The following HASPIN variants were observed in gnomAD, a reference collection of about 807,000 sequenced individuals.
The protein encoded by HASPIN is serine/threonine-protein kinase haspin.
In HASPIN, 24 loss-of-function variants were observed where a neutral mutation model predicts 28.8. That is an observed-to-expected ratio of 0.83 (90% CI 0.60 to 1.17). HASPIN has a LOEUF of 1.17. HASPIN is among the 50% of genes most tolerant of loss of function. The pLI is 0.00. For missense variants in HASPIN, 1,016 were observed against 1,018.5 expected, an observed-to-expected ratio of 1.00 and a Z score of 0.03; for synonymous variants, 440 against 413.1, an observed-to-expected ratio of 1.07 and a Z score of -0.79.
rs778469375 is a variant in HASPIN, at chr17:3,724,837, AAG to A, written c.909_910del (p.Gly304AlafsTer31). The A allele has an allele frequency of 5.0e-6, 8 of 1,614,128 alleles. No homozygotes were observed. The highest frequency in any genetic ancestry group is 6.8e-6 in the Non-Finnish European group (8 of 1,180,032). On this transcript the variant is annotated frameshift_variant, in exon 1 of 1. Coordinates refer to ENST00000325418, the MANE Select transcript of HASPIN (RefSeq NM_031965.2). LOFTEE classifies it high-confidence loss of function. ...AGGGCCACAGGCCAGGACTCTTGTCAAGAGAGAGGGCTTCAAGAGGCCGTCCG... is the reference window on the plus strand; with the variant it reads ...AGGGCCACAGGCCAGGACTCTTGTCAAGAGAGGGCTTCAAGAGGCCGTCCG...
Position 3,725,361 on chromosome 17 carries a change from A to G in HASPIN, c.1426A>G (p.Ser476Gly). Reference sequence around the variant, plus strand: ...CAGTCAGAAGGGTCCTGTCCCCTTTAGCCATTGCCTTCCCACAGAAAAACT... The same window carrying G: ...CAGTCAGAAGGGTCCTGTCCCCTTTGGCCATTGCCTTCCCACAGAAAAACT... ...ECSQKGPVPF[S>G]HCLPTEKLQR... Residue 476 changes from serine (S) to glycine (G), a missense_variant, in exon 1 of 1, where the codon AGC (serine) becomes GGC (glycine). By Grantham distance (56) the Ser-to-Gly change is moderately conservative. Around this residue, in one of 3 missense-constraint regions of HASPIN, gnomAD observed 881 missense variants for 845.5 expected, o/e 1.04. Transcript: ENST00000325418. 6.2e-7 allele frequency: 1 copy of G among 1,613,242 alleles called. No individual in the cohort carries two copies. Among genetic ancestry groups the G allele is most frequent in the South Asian group, 1.1e-5 (1 of 91,088 alleles).
chr17:3,726,344 C>T lies in HASPIN; in HGVS notation c.*12C>T, dbSNP rs756883907. On this transcript the variant is annotated 3_prime_UTR_variant, in exon 1 of 1. Coordinates refer to ENST00000325418, the MANE Select transcript of HASPIN (RefSeq NM_031965.2). The stretch of plus-strand genomic sequence containing the variant: ...GTCTGTTTAAGTAAGCTAAATGTAT[C>T]TTACTGCCCCGAAATGAGAGGAGAC... 3.2e-6 allele frequency: 5 copies of T among 1,561,208 alleles called. No individual in the cohort carries two copies. Among genetic ancestry groups the T allele is most frequent in the Non-Finnish European group, 3.5e-6 (4 of 1,140,606 alleles).
chr17:3,726,399 C>T lies in HASPIN; in HGVS notation c.*67C>T. On this transcript the variant is annotated 3_prime_UTR_variant, in exon 1 of 1. Coordinates refer to ENST00000325418, the MANE Select transcript of HASPIN (RefSeq NM_031965.2). ...CTTGAAGCCTCTGGTGCTGTTTCAA[C>T]CTCCATCCCCACAGGAGGGTGGAAC... The T allele has an allele frequency of 1.8e-6, 2 of 1,107,222 alleles. No individual in the cohort carries two copies. The highest frequency in any genetic ancestry group is 3.0e-5 in the South Asian group (2 of 66,000). The allele number at this position is 1,107,222 out of a possible 1,614,324, so 68.6% of individuals were successfully genotyped here. A position where few individuals can be genotyped will look rare whatever the true frequency, so the allele number is the denominator to read the frequency against.
Position 3,725,455 on chromosome 17 carries a change from C to A in HASPIN, c.1520C>A (p.Pro507His), listed in dbSNP as rs570363584. 1 of 1,614,162 alleles carries A rather than the reference C, an allele frequency of 6.2e-7. No individual in the cohort carries two copies. The highest frequency in any genetic ancestry group is 2.2e-5 in the East Asian group (1 of 44,892). Residue 507 changes from proline (P) to histidine (H), a missense_variant, in exon 1 of 1, where the codon CCC becomes CAC. By Grantham distance (77) the Pro-to-His change is moderately conservative. Transcript: ENST00000325418. ...EVFQTIADHT[P>H]VAIKIIAIEG... ...TTTCAAACAATTGCTGATCACACAC[C>A]CGTAGCCATAAAAATCATTGCTATT...
chr17:3,726,465 A>G lies in HASPIN; in HGVS notation c.*133A>G, dbSNP rs774760586. On this transcript the variant is annotated 3_prime_UTR_variant, in exon 1 of 1. Coordinates refer to ENST00000325418, the MANE Select transcript of HASPIN (RefSeq NM_031965.2). Reference sequence around the variant, plus strand: ...TTTCCAGTCAGCTTTTCAAACAAGAATTTTGTTTCCAAATGGAAACTGAAA... The same window carrying G: ...TTTCCAGTCAGCTTTTCAAACAAGAGTTTTGTTTCCAAATGGAAACTGAAA... 10 of 647,898 alleles carry G rather than the reference A, an allele frequency of 1.5e-5. No homozygotes were observed. Among genetic ancestry groups the G allele is most frequent in the Non-Finnish European group, 2.7e-5 (10 of 365,934 alleles). The allele number at this position is 647,898 out of a possible 1,614,324, so 40.1% of individuals were successfully genotyped here.
rs2051179656 is a variant in HASPIN, at chr17:3,725,190, G to C, written c.1255G>C (p.Glu419Gln). Residue 419 changes from glutamate (E) to glutamine (Q), a missense_variant, in exon 1 of 1, where the codon GAA (glutamate) becomes CAA (glutamine). By Grantham distance (29) the Glu-to-Gln change is conservative. Coordinates refer to ENST00000325418, the MANE Select transcript of HASPIN (RefSeq NM_031965.2). ...ATSLSGSLLS[E>Q]CSNRPVMNRT... is the part of the protein sequence containing the mutation. ...TTCTCTCTCTGGATCCCTCCTATCAGAATGTTCAAACCGGCCTGTCATGAA... is the reference window on the plus strand; with the variant it reads ...TTCTCTCTCTGGATCCCTCCTATCACAATGTTCAAACCGGCCTGTCATGAA... The C allele has an allele frequency of 4.3e-6, 7 of 1,614,200 alleles. No individual in the cohort carries two copies. The highest frequency in any genetic ancestry group is 4.2e-6 in the Non-Finnish European group (5 of 1,180,030).
In HASPIN at chr17:3,724,873, A is replaced by C; in HGVS notation, c.938A>C (p.His313Pro). The change falls in exon 1 of 1, where the codon CAT becomes CCT. Residue 313 changes from histidine (H) to proline (P), a missense_variant. Around this residue, in one of 3 missense-constraint regions of HASPIN, gnomAD observed 881 missense variants for 845.5 expected, o/e 1.04. Transcript: ENST00000325418. ...CTTCAAGAGGCCGTCCGGAGAGAGCATCAGGAGGCCAGTGTTCCCAAGGGC... is the reference window on the plus strand; with the variant it reads ...CTTCAAGAGGCCGTCCGGAGAGAGCCTCAGGAGGCCAGTGTTCCCAAGGGC... ...RGLQEAVRRE[H>P]QEASVPKGRI... 6.2e-7 allele frequency: 1 copy of C among 1,613,984 alleles called. No homozygotes were observed. The highest frequency in any genetic ancestry group is 1.1e-5 in the South Asian group (1 of 91,088).
Position 3,726,353 on chromosome 17 carries a change from C to G in HASPIN, c.*21C>G. 6.6e-7 allele frequency: 1 copy of G among 1,525,174 alleles called. No homozygotes were observed. Among genetic ancestry groups the G allele is most frequent in the African/African-American group, 1.4e-5 (1 of 72,908 alleles). 94.5% of individuals were successfully genotyped at this position (1,525,174 alleles called of 1,614,324 possible). A position where few individuals can be genotyped will look rare whatever the true frequency, so the allele number is the denominator to read the frequency against. On this transcript the variant is annotated 3_prime_UTR_variant, in exon 1 of 1. Coordinates refer to ENST00000325418, the MANE Select transcript of HASPIN (RefSeq NM_031965.2). ...AGTAAGCTAAATGTATCTTACTGCC[C>G]CGAAATGAGAGGAGACTGGTCTTGA...
chr17:3,725,088 A>G lies in HASPIN; in HGVS notation c.1153A>G (p.Arg385Gly). Reference sequence around the variant, plus strand: ...GAATGTCTGCTTTTGGACCAAAACCAGGGCTTCCTTCAGTTTCCACAAGAA... The same window carrying G: ...GAATGTCTGCTTTTGGACCAAAACCGGGGCTTCCTTCAGTTTCCACAAGAA... ...LQNVCFWTKT[R>G]ASFSFHKKKI... The change falls in exon 1 of 1, where the codon AGG becomes GGG. Residue 385 changes from arginine (R) to glycine (G), a missense_variant. By Grantham distance (125) the Arg-to-Gly change is moderately radical. Coordinates refer to ENST00000325418, the MANE Select transcript of HASPIN (RefSeq NM_031965.2). 1.9e-6 allele frequency: 3 copies of G among 1,614,210 alleles called. No individual in the cohort carries two copies. The highest frequency in any genetic ancestry group is 2.5e-6 in the Non-Finnish European group (3 of 1,180,016).
In HASPIN at chr17:3,724,395, G is replaced by A. The variant is rs778123270; in HGVS notation, c.460G>A (p.Gly154Ser). 7 of 1,610,520 alleles carry A rather than the reference G, an allele frequency of 4.3e-6. No individual in the cohort carries two copies. The highest frequency in any genetic ancestry group is 5.9e-6 in the Non-Finnish European group (7 of 1,179,284). The change falls in exon 1 of 1, where the codon GGC becomes AGC. Residue 154 changes from glycine to serine, a missense_variant. Transcript: ENST00000325418. ...CCTCAGCCCGGACCTCAGCGTGTGCGGCCAGCCCAGGGACGGCGACGAGCT... is the reference window on the plus strand; with the variant it reads ...CCTCAGCCCGGACCTCAGCGTGTGCAGCCAGCCCAGGGACGGCGACGAGCT... ...GRLSPDLSVCGQPRDGDELGI... is the reference protein window; with the variant it reads ...GRLSPDLSVCSQPRDGDELGI...
At position 3,724,925 on chromosome 17, in the gene HASPIN, G is replaced by A. The variant is rs1169750291; in HGVS notation, c.990G>A (p.Arg330=). The change falls in exon 1 of 1, where the codon AGG becomes AGA. Residue 330 remains arginine, a synonymous_variant. Transcript: ENST00000325418. ...KGRIVPRGID[R]LERTRSSRKS... ...GCATTGTGCCAAGGGGAATAGACAG[G>A]CTGGAGAGAACTAGATCAAGCCGGA... is the stretch of plus-strand genomic sequence containing the variant. 6.2e-7 allele frequency: 1 copy of A among 1,613,708 alleles called. No individual in the cohort carries two copies. The highest frequency in any genetic ancestry group is 2.2e-5 in the East Asian group (1 of 44,876).
Position 3,725,237 on chromosome 17 carries a change from C to T in HASPIN, c.1302C>T (p.Ser434=). The T allele has an allele frequency of 6.2e-7, 1 of 1,614,228 alleles. No individual in the cohort carries two copies. Among genetic ancestry groups the T allele is most frequent in the Non-Finnish European group, 8.5e-7 (1 of 1,180,038 alleles). ...PVMNRTSGAP[S]SWHSSSMYLL... ...TGAACAGAACAAGTGGTGCTCCGTC[C>T]TCTTGGCACTCCTCCTCTATGTATT... The change falls in exon 1 of 1, where the codon TCC becomes TCT. Residue 434 remains serine (S), a synonymous_variant. Coordinates refer to ENST00000325418, the MANE Select transcript of HASPIN (RefSeq NM_031965.2).
In HASPIN at chr17:3,724,239, A is replaced by G. The variant is rs981484168; in HGVS notation, c.304A>G (p.Lys102Glu). Residue 102 changes from lysine (K) to glutamate (E), a missense_variant, in exon 1 of 1, where the codon AAG (lysine) becomes GAG (glutamate). This residue lies in a region of HASPIN where 881 missense variants were observed against 845.5 expected (regional missense o/e 1.04). Coordinates refer to ENST00000325418, the MANE Select transcript of HASPIN (RefSeq NM_031965.2). ...CCTGACCGTGACCCCAAAGCGCTGG[A>G]AGCTGCGAGCTCGCCCAAGCCTAAC... ...PSLTVTPKRW[K>E]LRARPSLTVT... is the part of the protein sequence containing the mutation. 2 of 1,593,414 alleles carry G rather than the reference A, an allele frequency of 1.3e-6. No individual in the cohort carries two copies. The highest frequency in any genetic ancestry group is 2.7e-5 in the African/African-American group (2 of 74,708).
In HASPIN at chr17:3,725,884, T is replaced by TA. The variant is rs1220412958; in HGVS notation, c.1950dup (p.His651ThrfsTer37). ...TCACTGCGCTTTGAGCACCGAGACT[T>TA]ACACTGGGGGAACGTGCTCTTAAAG... On this transcript the variant is annotated frameshift_variant, in exon 1 of 1. Transcript: ENST00000325418. LOFTEE classifies it high-confidence loss of function. 16 of 1,612,358 alleles carry TA rather than the reference T, an allele frequency of 9.9e-6. No homozygotes were observed. Among genetic ancestry groups the TA allele is most frequent in the Non-Finnish European group, 1.4e-5 (16 of 1,179,980 alleles).
rs2051137940 is a variant in HASPIN, at chr17:3,724,032, C to T, written c.97C>T (p.Gln33Ter). 6.3e-7 allele frequency: 1 copy of T among 1,591,334 alleles called. No individual in the cohort carries two copies. Among genetic ancestry groups the T allele is most frequent in the Non-Finnish European group, 8.5e-7 (1 of 1,174,946 alleles). Residue 33 changes from glutamine to a stop codon, truncating the protein, a stop_gained, in exon 1 of 1, where the codon CAG (glutamine) becomes TAG (stop). Coordinates refer to ENST00000325418, the MANE Select transcript of HASPIN (RefSeq NM_031965.2). LOFTEE classifies it low-confidence loss of function (END_TRUNC). ...RQRRPGREAA[Q>*]WFPPQDRRRF... Reference sequence around the variant, plus strand: ...GCGGCGGCCGGGCCGGGAAGCCGCGCAGTGGTTCCCGCCGCAGGACCGGAG... The same window carrying T: ...GCGGCGGCCGGGCCGGGAAGCCGCGTAGTGGTTCCCGCCGCAGGACCGGAG...
At position 3,725,769 on chromosome 17, in the gene HASPIN, T is replaced by G. The variant is rs932298721; in HGVS notation, c.1834T>G (p.Leu612Val). ...GGAATTTGAGTTTGGAGGGATTGAC[T>G]TAGAGCAAATGCGAACCAAGTTGTC... The part of the protein sequence containing the change: ...VLEFEFGGID[L>V]EQMRTKLSSL... The change falls in exon 1 of 1, where the codon TTA becomes GTA. Residue 612 changes from leucine (L) to valine (V), a missense_variant. Coordinates refer to ENST00000325418, the MANE Select transcript of HASPIN (RefSeq NM_031965.2). The G allele has an allele frequency of 6.3e-7, 1 of 1,599,356 alleles. No individual in the cohort carries two copies.
chr17:3,726,319 G>A lies in HASPIN; in HGVS notation c.2384G>A (p.Ser795Asn). 6.2e-7 allele frequency: 1 copy of A among 1,609,842 alleles called. No homozygotes were observed. The highest frequency in any genetic ancestry group is 1.7e-5 in the Admixed American group (1 of 59,720). Residue 795 changes from serine (S) to asparagine (N), a missense_variant, in exon 1 of 1, where the codon AGT (serine) becomes AAT (asparagine). By Grantham distance (46) the Ser-to-Asn change is conservative (BLOSUM62 1). Around this residue, in one of 3 missense-constraint regions of HASPIN, gnomAD observed 129 missense variants for 156.2 expected, o/e 0.83. Coordinates refer to ENST00000325418, the MANE Select transcript of HASPIN (RefSeq NM_031965.2). ...GCCACTGACTTGCTCTGCCAGCACA[G>A]TCTGTTTAAGTAAGCTAAATGTATC... ...SSATDLLCQH[S>N]LFK
rs756917937 is a variant in HASPIN, at chr17:3,724,668, C to G, written c.733C>G (p.Leu245Val). The change falls in exon 1 of 1, where the codon CTC (leucine) becomes GTC (valine). Residue 245 changes from leucine (L) to valine (V), a missense_variant. Leu to Val is a conservative substitution (Grantham distance 32). Transcript: ENST00000325418. Reference sequence around the variant, plus strand: ...AACCCGCGCCAGCCTCAGGTCAGTTCTCTTTGGCCTTATGAACTCAGGAAC... The same window carrying G: ...AACCCGCGCCAGCCTCAGGTCAGTTGTCTTTGGCCTTATGAACTCAGGAAC... ...HQTRASLRSV[L>V]FGLMNSGTPE... The G allele has an allele frequency of 1.5e-5, 24 of 1,614,110 alleles. No homozygotes were observed. In the Middle Eastern group the frequency reaches 6.6e-4, roughly 44 times the overall value.
Position 3,724,161 on chromosome 17 carries a change from G to T in HASPIN, c.226G>T (p.Val76Leu). The T allele has an allele frequency of 6.3e-7, 1 of 1,594,272 alleles. No individual in the cohort carries two copies. The highest frequency in any genetic ancestry group is 8.5e-7 in the Non-Finnish European group (1 of 1,177,070). Reference sequence around the variant, plus strand: ...CGACCCCGACTTCCCCGGCAGCCCGGTGAGGCGGCGGCGGAGGCGTCCCGG... The same window carrying T: ...CGACCCCGACTTCCCCGGCAGCCCGTTGAGGCGGCGGCGGAGGCGTCCCGG... ...PDDPDFPGSP[V>L]RRRRRRPGGR... The change falls in exon 1 of 1, where the codon GTG becomes TTG. Residue 76 changes from valine (V) to leucine (L), a missense_variant. By Grantham distance (32) the Val-to-Leu change is conservative (BLOSUM62 1). Transcript: ENST00000325418.
Sources: allele counts gnomAD v4.1 joint callset, GRCh38; gene constraint gnomAD v4.1.1; regional missense constraint gnomAD v4.1.1; transcripts MANE v1.5; gene names NCBI Gene and HGNC (gene_info 2026-07-23, HGNC 2026-07-21).